Variants in GRID2 observed in about 807,000 individuals in gnomAD.
GRID2 encodes the protein glutamate ionotropic receptor delta type subunit 2.
In GRID2, 33 loss-of-function variants were observed where a neutral mutation model predicts 114.8. The ratio of observed to expected loss-of-function variants is 0.29; its 90% CI spans 0.22 to 0.38. The LOEUF (loss-of-function observed/expected upper bound fraction) is 0.38, where lower values mean the gene tolerates loss of function less well. Among genes scored for constraint, GRID2 ranks in the 10% least tolerant of loss-of-function variants. GRID2 has a pLI of 1.00. For synonymous variants in GRID2, 505 were observed against 449.9 expected (o/e 1.12, Z -1.55); for missense variants, 1,184 against 1,257.7 (o/e 0.94, Z 0.89).
intron 10 of GRID2, among the ~76,000 whole-genome samples, chr4:93,441,740 T>C (rs1393692454): frequency 1.3e-5 from 2 of 152,038 alleles, no homozygotes; most frequent in Non-Finnish European, 2.9e-5. Flanking sequence ...TACTCTTGCC[T>C]GCCATTTGGG....
rs1560511991 is a variant in GRID2 at position 93,335,449 on chromosome 4, G to T, written c.1246-60158G>T. ...ATCTTTGTACTAGATAGAATATGTT[G>T]TCATTTGGTAATTTTACAGATCCTA... is the stretch of plus-strand genomic sequence containing the variant. On this transcript the variant is annotated intron_variant, in intron 8 of 15. Coordinates refer to ENST00000282020, the MANE Select transcript of GRID2 (RefSeq NM_001510.4). 2.6e-5 allele frequency among the ~76,000 whole-genome samples: 4 copies of T among 152,170 alleles called. No homozygotes were observed. The South Asian group carries it at 8.3e-4, about 32-fold the overall frequency.
chr4:93,242,918 A>G (rs1365886265), intron 8 of GRID2, among the ~76,000 whole-genome samples: 1 of 152,058 alleles, frequency 6.6e-6, no homozygotes, highest in Non-Finnish European at 1.5e-5. Flanking sequence ...ATGATAGTGA[A>G]TCATACACAT....
intron 2 of GRID2, among the ~76,000 whole-genome samples, chr4:92,621,167 C>T (rs895346517): frequency 1.3e-5 from 2 of 151,548 alleles, no homozygotes; most frequent in African/African-American, 4.8e-5. Flanking sequence ...GATTTTAAAC[C>T]CAGCATCCAT....
At chr4:92,546,275 AG>A (rs1726255898) in intron 1 of GRID2, among the ~76,000 whole-genome samples, 1 of 152,176 alleles carries the variant, frequency 6.6e-6, no homozygotes, top group Non-Finnish European at 1.5e-5. Flanking sequence ...AACATGCAAA[AG>A]AAAGGAAAAA....
chr4:93,034,122 C>T lies in GRID2; in HGVS notation c.245-50873C>T, dbSNP rs1034292912. ...GTTGATGTTATATGAGTGAGTCTGCCGGGCTACCCAGGCAGGTGAACAACA... is the reference window on the plus strand; with the variant it reads ...GTTGATGTTATATGAGTGAGTCTGCTGGGCTACCCAGGCAGGTGAACAACA... On this transcript the variant is annotated intron_variant, in intron 2 of 15. Coordinates refer to ENST00000282020, the MANE Select transcript of GRID2 (RefSeq NM_001510.4). Among the ~76,000 whole-genome samples, 11 of 152,184 alleles carry T rather than the reference C, an allele frequency of 7.2e-5. 1 individual carries two copies. The highest frequency in any genetic ancestry group is 4.1e-4 in the South Asian group (2 of 4,824).
At chr4:93,084,926 G>A in intron 2 of GRID2, 69 bp from the exon 3 acceptor site, 1 of 1,214,190 alleles carries the variant, frequency 8.2e-7, no homozygotes, top group African/African-American at 1.5e-5. Context: ...TATCCATCCA[G>A]TGCTTCTCAA....
intron 8 of GRID2, among the ~76,000 whole-genome samples, chr4:93,346,920 C>T (rs1760297508): frequency 1.3e-5 from 2 of 152,032 alleles, no homozygotes; most frequent in South Asian, 4.2e-4. Flanking sequence ...AAATAATATC[C>T]CTGTAGGGAG....
chr4:93,165,307 G>C (rs894324083), intron 4 of GRID2, among the ~76,000 whole-genome samples: 1 of 152,030 alleles, frequency 6.6e-6, no homozygotes, highest in South Asian at 2.1e-4. Context: ...ATACTGCAAA[G>C]AGAAGAAAAG....
intron 13 of GRID2, among the ~76,000 whole-genome samples, chr4:93,577,839 T>G (rs1383651872): frequency 6.6e-6 from 1 of 152,226 alleles, no homozygotes; most frequent in East Asian, 1.9e-4. Flanking sequence ...GAAGCAAATT[T>G]GCATTTAATA....
intron 1 of GRID2, among the ~76,000 whole-genome samples, chr4:92,584,413 A>C (rs573442257): frequency 6.6e-6 from 1 of 152,118 alleles, no homozygotes; most frequent in South Asian, 2.1e-4. Context: ...AGCATCTAAA[A>C]CAGAAAGGAT....
At chr4:93,803,761 A>T (rs1734980707) in intron 1 of GRID2, among the ~76,000 whole-genome samples, 2 of 152,124 alleles carry the variant, frequency 1.3e-5, no homozygotes, top group African/African-American at 4.8e-5. Context: ...AATATACTAC[A>T]CAAATTTATC....
At chr4:92,392,058 A>G (rs896767072) in intron 1 of GRID2, among the ~76,000 whole-genome samples, 5 of 152,224 alleles carry the variant, frequency 3.3e-5, no homozygotes, top group African/African-American at 9.6e-5. Flanking sequence ...TTATGAAAAC[A>G]TACCACTGAC....
At chr4:93,509,747 C>A (rs1425798618) in intron 12 of GRID2, among the ~76,000 whole-genome samples, 1 of 152,116 alleles carries the variant, frequency 6.6e-6, no homozygotes, top group Non-Finnish European at 1.5e-5. Context: ...ACCCAAGCAC[C>A]CCAGTCCATT....
At chr4:92,742,939 G>A (rs543346185) in intron 2 of GRID2, among the ~76,000 whole-genome samples, 86 of 152,096 alleles carry the variant, frequency 5.7e-4, no homozygotes, top group Non-Finnish European at 9.6e-4. Flanking sequence ...GTTCTTTACT[G>A]ATAATTATTC....
chr4:93,767,978 T>C (rs1029505524), intron 14 of GRID2, among the ~76,000 whole-genome samples: 4 of 152,202 alleles, frequency 2.6e-5, no homozygotes, highest in Non-Finnish European at 5.9e-5. Flanking sequence ...GGTTTAAGTT[T>C]CTATGTGACT....
intron 4 of GRID2, among the ~76,000 whole-genome samples, chr4:93,151,639 C>T (rs1736749568): frequency 1.3e-5 from 2 of 152,150 alleles, no homozygotes; most frequent in Admixed American, 6.5e-5. Context: ...GTGATATAAA[C>T]ATTTAATTTC....
intron 4 of GRID2, among the ~76,000 whole-genome samples, chr4:93,150,749 C>T (rs1200243426): frequency 6.6e-6 from 1 of 152,022 alleles, no homozygotes; most frequent in Non-Finnish European, 1.5e-5. Flanking sequence ...TGTCCTGAAC[C>T]CTGGACCTCT....
At chr4:92,330,335 G>A (rs1726818058) in intron 1 of GRID2, among the ~76,000 whole-genome samples, 1 of 152,144 alleles carries the variant, frequency 6.6e-6, no homozygotes, top group South Asian at 2.1e-4. Context: ...TTGCTTGGAA[G>A]GCTCCTTGAC....
At chr4:93,379,356 T>A (rs964110728) in intron 8 of GRID2, among the ~76,000 whole-genome samples, 5 of 152,106 alleles carry the variant, frequency 3.3e-5, no homozygotes, top group African/African-American at 1.2e-4. Context: ...AGGGTTGCAC[T>A]TTTGCTCCCT....
Sources: gnomAD v4.1 joint callset for allele counts (sites outside exome capture counted in the v4.1 genomes callset) on GRCh38, gnomAD v4.1.1 for gene constraint, MANE v1.5 for transcripts, NCBI Gene and HGNC (gene_info 2026-07-23, HGNC 2026-07-21) for gene names.